The following GAD2 variants were observed in gnomAD, a reference collection of about 807,000 sequenced individuals.
GAD2 encodes 65 kDa glutamic acid decarboxylase.
In GAD2, 22 loss-of-function variants were observed where a neutral mutation model predicts 80.1. The ratio of observed to expected loss-of-function variants is 0.27; its 90% CI spans 0.20 to 0.39. The LOEUF (loss-of-function observed/expected upper bound fraction) is 0.39. Ranked by LOEUF, GAD2 falls within the 10% of genes least tolerant of loss-of-function variation. The pLI is 1.00. For synonymous variants in GAD2, 274 were observed against 256.9 expected, an observed-to-expected ratio of 1.07 and a Z score of -0.64; for missense variants, 624 against 738.4, an observed-to-expected ratio of 0.85 and a Z score of 1.80.
At chr10:26,225,960 T>C (rs1004373202) in intron 6 of GAD2, among the ~76,000 whole-genome samples, 2 of 152,176 alleles carry the variant, frequency 1.3e-5, no homozygotes, top group African/African-American at 4.8e-5. Context: ...ACATTGTTCA[T>C]GAGGAATGAG....
At position 26,300,821 on chromosome 10, in the gene GAD2, T is replaced by C; in HGVS notation, c.1618T>C (p.Tyr540His). The part of the protein sequence containing the change: ...APVIKARMME[Y>H]GTTMVSYQPL... ...AGTGATTAAAGCCAGAATGATGGAG[T>C]ATGGAACCACAATGGTCAGCTACCA... Residue 540 changes from tyrosine (Y) to histidine (H), a missense_variant, in exon 16 of 16, where the codon TAT (tyrosine) becomes CAT (histidine). Transcript: ENST00000376261. 4 of 1,613,626 alleles carry C rather than the reference T, an allele frequency of 2.5e-6. No individual in the cohort carries two copies. The highest frequency in any genetic ancestry group is 3.4e-6 in the Non-Finnish European group (4 of 1,179,720).
chr10:26,220,169 G>C (rs2132269687), intron 4 of GAD2, among the ~76,000 whole-genome samples: 1 of 152,270 alleles, frequency 6.6e-6, no homozygotes, highest in African/African-American at 2.4e-5. Flanking sequence ...CACGATGGCT[G>C]ACACTTCATT....
At chr10:26,231,225 A>G (rs1436757211) in intron 7 of GAD2, among the ~76,000 whole-genome samples, 2 of 152,216 alleles carry the variant, frequency 1.3e-5, no homozygotes, top group Non-Finnish European at 2.9e-5. Context: ...GGAGGGAGGA[A>G]GGGCCTAGAG....
At chr10:26,268,977 C>T (rs1424246586) in intron 8 of GAD2, 142 bp from the exon 9 acceptor site, 2 of 550,344 alleles carry the variant, frequency 3.6e-6, no homozygotes, top group Non-Finnish European at 6.4e-6. Flanking sequence ...TGCATCCTTC[C>T]TGGAAGCAGT....
chr10:26,216,955 A>T lies in GAD2; in HGVS notation c.76+70A>T. The T allele has an allele frequency of 7.4e-7, 1 of 1,357,486 alleles. No homozygotes were observed. 84.1% of individuals were successfully genotyped at this position (1,357,486 alleles called of 1,614,324 possible). On this transcript the variant is annotated intron_variant, in intron 1 of 15. Transcript: ENST00000376261. This position sits in a 1 kb window ranked among gnomAD's most constrained non-coding sequence, Gnocchi z 4.7. ...GTCTGGGGTTTGCGGAACTACGGAG[A>T]AGACGAAGGAGGTTTTTCCACCTGC...
At chr10:26,293,355 T>C (rs1834240185) in intron 15 of GAD2, among the ~76,000 whole-genome samples, 1 of 151,816 alleles carries the variant, frequency 6.6e-6, no homozygotes, top group Non-Finnish European at 1.5e-5. Context: ...TTTTTGTATT[T>C]TTAGTAGAGA....
chr10:26,255,492 C>A (rs574290403), intron 8 of GAD2, among the ~76,000 whole-genome samples: 1 of 151,888 alleles, frequency 6.6e-6, no homozygotes, highest in South Asian at 2.1e-4. Flanking sequence ...TGGAGGGGAG[C>A]TTTGAATCCA....
At position 26,226,541 on chromosome 10, in the gene GAD2, C is replaced by T. The variant is rs376156418; in HGVS notation, c.724+1890C>T. Among the ~76,000 whole-genome samples, 87 of 152,306 alleles carry T rather than the reference C, an allele frequency of 5.7e-4. 2 individuals are homozygous for T. Among genetic ancestry groups the T allele is most frequent in the African/African-American group, 2.0e-3 (83 of 41,558 alleles). ...TCTACTTTCTACAAGACATCACAGACGAGAAGTGGCTCATCACATCCTTAC... is the reference window on the plus strand; with the variant it reads ...TCTACTTTCTACAAGACATCACAGATGAGAAGTGGCTCATCACATCCTTAC... On this transcript the variant is annotated intron_variant, in intron 6 of 15. Coordinates refer to ENST00000376261, the MANE Select transcript of GAD2 (RefSeq NM_001134366.2).
chr10:26,257,412 T>C (rs1202422427), intron 8 of GAD2, among the ~76,000 whole-genome samples: 1 of 152,148 alleles, frequency 6.6e-6, no homozygotes, highest in Non-Finnish European at 1.5e-5. Flanking sequence ...TAGCACCTTC[T>C]TCCACTCATT....
intron 8 of GAD2, among the ~76,000 whole-genome samples, chr10:26,261,784 C>T (rs1434279453): frequency 2.0e-5 from 3 of 152,106 alleles, no homozygotes; most frequent in Non-Finnish European, 2.9e-5. Flanking sequence ...TCTCTTCCTC[C>T]TTCTCCTCAT....
intron 15 of GAD2, among the ~76,000 whole-genome samples, chr10:26,298,591 T>G (rs1834298772): frequency 6.6e-6 from 1 of 152,216 alleles, no homozygotes; most frequent in African/African-American, 2.4e-5. Context: ...AGTGCCATTC[T>G]TCTGTATTTT....
At chr10:26,228,188 T>C (rs925121870) in intron 6 of GAD2, among the ~76,000 whole-genome samples, 1 of 152,220 alleles carries the variant, frequency 6.6e-6, no homozygotes, top group Admixed American at 6.5e-5. Context: ...TCCCAGCATA[T>C]TAATTTGCAT....
chr10:26,299,087 C>T (rs1054897783), intron 15 of GAD2, among the ~76,000 whole-genome samples: 6 of 152,082 alleles, frequency 3.9e-5, no homozygotes, highest in Non-Finnish European at 5.9e-5. Context: ...GAATCATCCA[C>T]GTTCATTTTT....
At chr10:26,279,791 A>G (rs1178497802) in intron 11 of GAD2, among the ~76,000 whole-genome samples, 1 of 152,176 alleles carries the variant, frequency 6.6e-6, no homozygotes, top group Non-Finnish European at 1.5e-5. Flanking sequence ...GCAAAAAAAG[A>G]TGGAACTCTC....
At chr10:26,269,256 A>T in intron 9 of GAD2, 83 bp downstream of exon 9, 2 of 1,170,368 alleles carry the variant, frequency 1.7e-6, no homozygotes, top group Non-Finnish European at 2.5e-6. Flanking sequence ...GTTTTATTTT[A>T]AAAAGAGGAT....
At chr10:26,232,389 T>C (rs1390394457) in intron 7 of GAD2, among the ~76,000 whole-genome samples, 2 of 152,140 alleles carry the variant, frequency 1.3e-5, no homozygotes, top group Non-Finnish European at 2.9e-5. Context: ...GACTGAGACT[T>C]GATCAGGCCA....
At chr10:26,268,495 G>T (rs902578101) in intron 8 of GAD2, among the ~76,000 whole-genome samples, 2 of 150,638 alleles carry the variant, frequency 1.3e-5, no homozygotes, top group African/African-American at 2.5e-5. Context: ...ATGTTTCTCT[G>T]TCTCTCGTAC....
intron 11 of GAD2, among the ~76,000 whole-genome samples, chr10:26,279,791 A>T (rs1178497802): frequency 6.6e-6 from 1 of 152,176 alleles, no homozygotes; most frequent in Non-Finnish European, 1.5e-5. Flanking sequence ...GCAAAAAAAG[A>T]TGGAACTCTC....
chr10:26,303,254 C>G lies in GAD2; in HGVS notation c.*2293C>G, dbSNP rs1236709195. 6.7e-6 allele frequency: 1 copy of G among 149,708 alleles called. No individual in the cohort carries two copies. Among genetic ancestry groups the G allele is most frequent in the Non-Finnish European group, 1.5e-5 (1 of 68,052 alleles). 9.3% of individuals were successfully genotyped at this position (149,708 alleles called of 1,614,324 possible). ...AATTCTAGCAACAACAATAGCTCTT[C>G]TTCCCCGCTCCCCTACCCCTTCCCA... On this transcript the variant is annotated 3_prime_UTR_variant, in exon 16 of 16. Coordinates refer to ENST00000376261, the MANE Select transcript of GAD2 (RefSeq NM_001134366.2).
Sources: gnomAD v4.1 joint callset for allele counts (sites outside exome capture counted in the v4.1 genomes callset) on GRCh38, gnomAD v4.1.1 for gene constraint, Gnocchi (gnomAD v3.1) non-coding constraint, MANE v1.5 for transcripts, NCBI Gene and HGNC (gene_info 2026-07-23, HGNC 2026-07-21) for gene names.